BTRC: variants seen among roughly 807,000 people sequenced by gnomAD.
BTRC encodes the protein F-box/WD repeat-containing protein 1A.
In BTRC, 42 loss-of-function variants were observed where a neutral mutation model predicts 85.5. The observed-to-expected ratio is 0.49, with a 90% CI of 0.38 to 0.64. The LOEUF is 0.64. Ranked by LOEUF, BTRC falls within the 30% of genes least tolerant of loss-of-function variation. The pLI, the probability that BTRC is intolerant of heterozygous loss-of-function variation, is 0.00. For synonymous variants in BTRC, 255 were observed against 263.3 expected (o/e 0.97, Z 0.30); for missense variants, 594 against 743.5 (o/e 0.80, Z 2.34).
intron 1 of BTRC, among the ~76,000 whole-genome samples, chr10:101,422,279 G>A (rs553788569): frequency 4.9e-4 from 74 of 152,304 alleles, no homozygotes; most frequent in African/African-American, 1.6e-3. Flanking sequence ...CTTCTGAGAA[G>A]TGTCTGTTCA....
chr10:101,508,686 G>A (rs965482595), intron 4 of BTRC, among the ~76,000 whole-genome samples: 10 of 152,056 alleles, frequency 6.6e-5, no homozygotes, highest in African/African-American at 1.2e-4. Flanking sequence ...AGGCCGAGGC[G>A]GGCAGATCAC....
chr10:101,459,073 T>C (rs1945153740), intron 2 of BTRC, among the ~76,000 whole-genome samples: 1 of 152,210 alleles, frequency 6.6e-6, no homozygotes, highest in African/African-American at 2.4e-5. Flanking sequence ...CAGCTGGGAT[T>C]ACACGCATAT....
chr10:101,529,475 G>T (rs1234076547), intron 6 of BTRC, among the ~76,000 whole-genome samples: 3 of 152,174 alleles, frequency 2.0e-5, no homozygotes, highest in African/African-American at 7.2e-5. Flanking sequence ...ATGTGGGTGG[G>T]CTCAGGAGTC....
chr10:101,454,487 G>A (rs904775580), intron 2 of BTRC, among the ~76,000 whole-genome samples: 1 of 152,102 alleles, frequency 6.6e-6, no homozygotes, highest in Non-Finnish European at 1.5e-5. Context: ...CTGGAGTTAA[G>A]AATCCTTCCA....
chr10:101,503,877 A>T (rs1946451720), intron 4 of BTRC, among the ~76,000 whole-genome samples: 1 of 152,210 alleles, frequency 6.6e-6, no homozygotes, highest in Non-Finnish European at 1.5e-5. Flanking sequence ...TATAGAACAC[A>T]GAAATTGAAG....
intron 1 of BTRC, among the ~76,000 whole-genome samples, chr10:101,355,398 C>T (rs1019043814): frequency 6.6e-6 from 1 of 152,152 alleles, no homozygotes; most frequent in African/African-American, 2.4e-5. Flanking sequence ...AACTTTGTAT[C>T]ACGCTTTTCT....
At chr10:101,442,185 A>G (rs1216381263) in intron 2 of BTRC, among the ~76,000 whole-genome samples, 2 of 152,146 alleles carry the variant, frequency 1.3e-5, no homozygotes, top group Non-Finnish European at 2.9e-5. Flanking sequence ...ACATCTGCTT[A>G]GAGGTACTGT....
rs1397335047 is a variant in BTRC at position 101,553,889 on chromosome 10, C to G, written c.*766C>G. On this transcript the variant is annotated 3_prime_UTR_variant, in exon 15 of 15. Coordinates refer to ENST00000370187, the MANE Select transcript of BTRC (RefSeq NM_033637.4). ...CATGAGCCAGATCAGCCAGAAAATG[C>G]AACACTTGGAAGAGTTAAATGCTGT... The G allele has an allele frequency of 6.6e-6, 1 of 152,656 alleles. No individual in the cohort carries two copies. The highest frequency in any genetic ancestry group is 1.5e-5 in the Non-Finnish European group (1 of 68,066). The allele number at this position is 152,656 out of a possible 1,614,324, so 9.5% of individuals were successfully genotyped here.
rs2062692202 is a variant in BTRC, at chr10:101,553,931, C to T, written c.*808C>T. 2 of 150,174 alleles carry T rather than the reference C, an allele frequency of 1.3e-5. No homozygotes were observed. Among genetic ancestry groups the T allele is most frequent in the African/African-American group, 5.0e-5 (2 of 39,794 alleles). The allele number at this position is 150,174 out of a possible 1,614,324, so 9.3% of individuals were successfully genotyped here. A position where few individuals can be genotyped will look rare whatever the true frequency, so the allele number is the denominator to read the frequency against. On this transcript the variant is annotated 3_prime_UTR_variant, in exon 15 of 15. Coordinates refer to ENST00000370187, the MANE Select transcript of BTRC (RefSeq NM_033637.4). ...AAATGCTGTTCAGTGAAGATTTCAG[C>T]CCCAGGCCTTTGCTGCAAGTGACCC...
rs192941675 is a variant in BTRC, at chr10:101,427,203, C to T, written c.49-3142C>T. 3.6e-4 allele frequency among the ~76,000 whole-genome samples: 53 copies of T among 148,410 alleles called. 1 individual carries two copies. The East Asian group carries it at 9.8e-3, about 27-fold the overall frequency. On this transcript the variant is annotated intron_variant, in intron 1 of 14. Transcript: ENST00000370187. Reference sequence around the variant, plus strand: ...CACAATCTCAGCTCACTGCAACCTCCGCCTTCCGGGTTCAAGCGATTCTCC... The same window carrying T: ...CACAATCTCAGCTCACTGCAACCTCTGCCTTCCGGGTTCAAGCGATTCTCC...
intron 1 of BTRC, among the ~76,000 whole-genome samples, 166 bp from the exon 2 acceptor site, chr10:101,430,179 T>C (rs1944366097): frequency 6.6e-6 from 1 of 152,258 alleles, no homozygotes; most frequent in Non-Finnish European, 1.5e-5. Flanking sequence ...CCTTTTGGGA[T>C]TCTCTCTGGG....
intron 1 of BTRC, 125 bp downstream of exon 1, chr10:101,354,353 G>A: frequency 1.8e-6 from 2 of 1,122,970 alleles, no homozygotes; most frequent in Non-Finnish European, 2.5e-6. Context: ...CGGCGGAGCG[G>A]CTGGAGGGAT....
At chr10:101,514,220 A>G (rs985745919) in intron 4 of BTRC, among the ~76,000 whole-genome samples, 2 of 152,194 alleles carry the variant, frequency 1.3e-5, no homozygotes, top group African/African-American at 2.4e-5. Flanking sequence ...AAAATGACAA[A>G]TCATTTTTGG....
At chr10:101,427,180 C>T (rs1260139535) in intron 1 of BTRC, among the ~76,000 whole-genome samples, 3 of 138,330 alleles carry the variant, frequency 2.2e-5, no homozygotes, top group Non-Finnish European at 3.0e-5. Context: ...TGCAGTGGCA[C>T]AATCTCAGCT....
chr10:101,384,709 G>A (rs1029633522), intron 1 of BTRC, among the ~76,000 whole-genome samples: 1 of 152,076 alleles, frequency 6.6e-6, no homozygotes, highest in African/African-American at 2.4e-5. Flanking sequence ...AATATACACA[G>A]GACCTAGAAA....
At chr10:101,473,063 C>T (rs1243834967) in intron 3 of BTRC, among the ~76,000 whole-genome samples, 1 of 151,988 alleles carries the variant, frequency 6.6e-6, no homozygotes, top group Non-Finnish European at 1.5e-5. Flanking sequence ...TTCTCTTCTC[C>T]CTTCCTTGGA....
At chr10:101,516,861 C>T (rs1465964569) in intron 4 of BTRC, among the ~76,000 whole-genome samples, 1 of 152,134 alleles carries the variant, frequency 6.6e-6, no homozygotes, top group South Asian at 2.1e-4. Context: ...TGGTCTTTAT[C>T]CAGAAAACAG....
chr10:101,416,442 T>G (rs1026521777), intron 1 of BTRC, among the ~76,000 whole-genome samples: 3 of 152,244 alleles, frequency 2.0e-5, no homozygotes, highest in African/African-American at 7.2e-5. Flanking sequence ...TTGAATATTC[T>G]TTTCACAGAC....
At chr10:101,459,173 A>G (rs1010734518) in intron 2 of BTRC, among the ~76,000 whole-genome samples, 1 of 152,176 alleles carries the variant, frequency 6.6e-6, no homozygotes, top group Non-Finnish European at 1.5e-5. Context: ...AATTTATTGG[A>G]TATAATTTAG....
Sources: gnomAD v4.1 joint callset for allele counts (sites outside exome capture counted in the v4.1 genomes callset) on GRCh38, gnomAD v4.1.1 for gene constraint, MANE v1.5 for transcripts, NCBI Gene and HGNC (gene_info 2026-07-23, HGNC 2026-07-21) for gene names.